Variants in RBM12 observed in about 807,000 individuals in gnomAD.
RBM12 encodes the protein RNA binding motif protein 12.
In RBM12, 24 loss-of-function variants were observed where a neutral mutation model predicts 37.2. The observed-to-expected ratio is 0.65, with a 90% CI of 0.47 to 0.91. RBM12 has a LOEUF of 0.91. Among genes scored for constraint, RBM12 ranks in the 40% least tolerant of loss-of-function variants. The pLI is 0.00. For missense variants in RBM12, 1,061 were observed against 1,183.2 expected, an observed-to-expected ratio of 0.90 and a Z score of 1.52; for synonymous variants, 420 against 425.2, an observed-to-expected ratio of 0.99 and a Z score of 0.15.
At chr20:35,661,891 G>A (rs960230780) in intron 1 of RBM12, among the ~76,000 whole-genome samples, 1 of 152,110 alleles carries the variant, frequency 6.6e-6, no homozygotes, top group African/African-American at 2.4e-5. Flanking sequence ...AGGTTCTTCA[G>A]ATCCAAAAGA....
In RBM12 at chr20:35,653,348, CGGGCAGTCCCGCATT is replaced by C. The variant is rs777593625; in HGVS notation, c.1960_1974del (p.Asn654_Pro658del). 2.5e-6 allele frequency: 4 copies of C among 1,613,792 alleles called. No individual in the cohort carries two copies. The African/African-American group carries it at 5.3e-5, about 22-fold the overall frequency. ...AGTCCTGCACTGGGCAGTCCCACACCGGGCAGTCCCGCATTGGGCATTCCTGGAACTGCAGGATTA... is the reference window on the plus strand; with the variant it reads ...AGTCCTGCACTGGGCAGTCCCACACCGGGCATTCCTGGAACTGCAGGATTA... On this transcript the variant is annotated inframe_deletion, in exon 3 of 3. Transcript: ENST00000374114.
In RBM12 at chr20:35,655,247, A is replaced by G. The variant is rs773946342; in HGVS notation, c.76T>C (p.Leu26=). 12 of 1,613,788 alleles carry G rather than the reference A, an allele frequency of 7.4e-6. No homozygotes were observed. Among genetic ancestry groups the G allele is most frequent in the Non-Finnish European group, 1.0e-5 (12 of 1,180,024 alleles). The part of the protein sequence containing the change: ...TMDIRHFFSG[L]TIPDGGVHIV... ...TGCACGCCCCCATCAGGAATGGTCAATCCAGAGAAGAAGTGGCGAATGTCC... is the reference window on the plus strand; with the variant it reads ...TGCACGCCCCCATCAGGAATGGTCAGTCCAGAGAAGAAGTGGCGAATGTCC... The change falls in exon 3 of 3, where the codon TTG becomes CTG. Residue 26 remains leucine, a synonymous_variant. Transcript: ENST00000374114.
intron 2 of RBM12, among the ~76,000 whole-genome samples, chr20:35,657,833 G>T (rs1264508576): frequency 2.0e-5 from 3 of 152,118 alleles, no homozygotes; most frequent in African/African-American, 4.8e-5. Flanking sequence ...GGATGAGGTG[G>T]GTGGATCACC....
At position 35,652,384 on chromosome 20, in the gene RBM12, C is replaced by T; in HGVS notation, c.*140G>A. The T allele has an allele frequency of 1.1e-6, 1 of 949,230 alleles. No individual in the cohort carries two copies. The highest frequency in any genetic ancestry group is 1.6e-6 in the Non-Finnish European group (1 of 640,354). The allele number at this position is 949,230 out of a possible 1,614,324, so 58.8% of individuals were successfully genotyped here. A position where few individuals can be genotyped will look rare whatever the true frequency, so the allele number is the denominator to read the frequency against. ...AGTGAGTCTTCTGTAAACAGTCAAC[C>T]AATGCTCTATGTTATGGAAACCAAG... is the stretch of plus-strand genomic sequence containing the variant. On this transcript the variant is annotated 3_prime_UTR_variant, in exon 3 of 3. Coordinates refer to ENST00000374114, the MANE Select transcript of RBM12 (RefSeq NM_006047.6).
Position 35,652,505 on chromosome 20 carries a change from T to A in RBM12, c.*19A>T. Reference sequence around the variant, plus strand: ...CACAGCAATATGAAGATCTACCCTATAAAAAATGATGTGAATGGCTACCCT... The same window carrying A: ...CACAGCAATATGAAGATCTACCCTAAAAAAAATGATGTGAATGGCTACCCT... On this transcript the variant is annotated 3_prime_UTR_variant, in exon 3 of 3. Coordinates refer to ENST00000374114, the MANE Select transcript of RBM12 (RefSeq NM_006047.6). The A allele has an allele frequency of 6.3e-7, 1 of 1,597,476 alleles. No homozygotes were observed. Among genetic ancestry groups the A allele is most frequent in the Non-Finnish European group, 8.5e-7 (1 of 1,172,946 alleles).
chr20:35,656,975 T>A (rs1412896695), intron 2 of RBM12, among the ~76,000 whole-genome samples: 1 of 152,208 alleles, frequency 6.6e-6, no homozygotes, highest in Admixed American at 6.5e-5. Flanking sequence ...AAATATTATA[T>A]AAATACTAAT....
chr20:35,659,839 C>T (rs1465717299), intron 1 of RBM12, among the ~76,000 whole-genome samples: 3 of 152,026 alleles, frequency 2.0e-5, no homozygotes, highest in African/African-American at 7.2e-5. Context: ...ATTCAAAGGT[C>T]ATTTTTTGCT....
At position 35,654,819 on chromosome 20, in the gene RBM12, G is replaced by A. The variant is rs758228146; in HGVS notation, c.504C>T (p.Ser168=). ...TTGGAACAGTTGAGCTAAACGTTGG[G>A]CTCCCAAAGGAAGCCCCCATATTTG... ...APPNMGASFG[S]PTFSSTVPST... is the part of the protein sequence containing the mutation. Residue 168 remains serine, a synonymous_variant, in exon 3 of 3, where the codon AGC becomes AGT. Transcript: ENST00000374114. The A allele has an allele frequency of 1.9e-6, 3 of 1,614,210 alleles. No homozygotes were observed. Among genetic ancestry groups the A allele is most frequent in the Non-Finnish European group, 2.5e-6 (3 of 1,180,032 alleles).
rs761665005 is a variant in RBM12 at position 35,654,405 on chromosome 20, G to C, written c.918C>G (p.Val306=). Residue 306 remains valine, a synonymous_variant, in exon 3 of 3, where the codon GTC becomes GTG. Coordinates refer to ENST00000374114, the MANE Select transcript of RBM12 (RefSeq NM_006047.6). ...PLPINPDDLY[V]SVHGMPFSAM... is the part of the protein sequence containing the mutation. ...CAGAAAAGGGCATTCCATGCACACT[G>C]ACATACAGATCATCAGGGTTGATGG... The C allele has an allele frequency of 5.0e-6, 8 of 1,614,208 alleles. No homozygotes were observed. Among genetic ancestry groups the C allele is most frequent in the Non-Finnish European group, 6.8e-6 (8 of 1,180,032 alleles).
Position 35,654,769 on chromosome 20 carries a change from ACTGTGTTCATTGGAGAGG to A in RBM12, c.536_553del (p.Ala179_Thr184del), listed in dbSNP as rs762236568. On this transcript the variant is annotated inframe_deletion, in exon 3 of 3. Transcript: ENST00000374114. ...AATTGGAGGAATTGGTGGCGGCGGGACTGTGTTCATTGGAGAGGCTGTGCTTGGAACAGTTGAGCTAAA... is the reference window on the plus strand; with the variant it reads ...AATTGGAGGAATTGGTGGCGGCGGGACTGTGCTTGGAACAGTTGAGCTAAA... 5.6e-6 allele frequency: 9 copies of A among 1,613,874 alleles called. No individual in the cohort carries two copies. In the East Asian group the frequency reaches 2.0e-4, roughly 36 times the overall value.
rs2033433884 is a variant in RBM12, at chr20:35,650,578, T to C, written c.*1946A>G. The C allele has an allele frequency of 1.3e-5, 2 of 152,626 alleles. No homozygotes were observed. The highest frequency in any genetic ancestry group is 2.9e-5 in the Non-Finnish European group (2 of 68,022). 9.5% of individuals were successfully genotyped at this position (152,626 alleles called of 1,614,324 possible). On this transcript the variant is annotated 3_prime_UTR_variant, in exon 3 of 3. Coordinates refer to ENST00000374114, the MANE Select transcript of RBM12 (RefSeq NM_006047.6). ...GCATATACAAACGTTATATTGCTTT[T>C]GAAATTGAGGAGGCAGTATCTAGTG...
In RBM12 at chr20:35,651,563, C is replaced by T. The variant is rs2033522155; in HGVS notation, c.*961G>A. 6.6e-6 allele frequency: 1 copy of T among 152,100 alleles called. No homozygotes were observed. The allele number at this position is 152,100 out of a possible 1,614,324, so 9.4% of individuals were successfully genotyped here. On this transcript the variant is annotated 3_prime_UTR_variant, in exon 3 of 3. Transcript: ENST00000374114. ...ATATAACACTTTCTTATGAATGGGC[C>T]CCTCTTTGTTTAAAGGCCAAAATTT...
intron 1 of RBM12, among the ~76,000 whole-genome samples, chr20:35,662,189 A>T (rs2146383672): frequency 6.6e-6 from 1 of 152,306 alleles, no homozygotes. Context: ...ATCAGAAGAC[A>T]TTTCTAAATA....
rs571177026 is a variant in RBM12 at position 35,658,843 on chromosome 20, T to G, written c.-23+87A>C. 7 of 670,806 alleles carry G rather than the reference T, an allele frequency of 1.0e-5. No homozygotes were observed. The African/African-American group carries it at 1.1e-4, about 11-fold the overall frequency. 41.6% of individuals were successfully genotyped at this position (670,806 alleles called of 1,614,324 possible). The stretch of plus-strand genomic sequence containing the variant: ...CACACACACACACACACACACAATA[T>G]AGTTGCTACATATATTTTCATATTT... On this transcript the variant is annotated intron_variant, in intron 2 of 2. Coordinates refer to ENST00000374114, the MANE Select transcript of RBM12 (RefSeq NM_006047.6).
chr20:35,656,886 G>A (rs970591969), intron 2 of RBM12, among the ~76,000 whole-genome samples: 1 of 147,578 alleles, frequency 6.8e-6, no homozygotes, highest in Non-Finnish European at 1.5e-5. Flanking sequence ...GAAGAGATTT[G>A]GTTTTATCAC....
In RBM12 at chr20:35,653,163, T is replaced by C. The variant is rs2033653206; in HGVS notation, c.2160A>G (p.Pro720=). 5.6e-6 allele frequency: 9 copies of C among 1,613,558 alleles called. No homozygotes were observed. The South Asian group carries it at 6.6e-5, about 12-fold the overall frequency. ...CACCAAAATTACCAGGAAAGTTAAA[T>C]GGAGGCCCATTATTGGCTTCCTTTG... is the stretch of plus-strand genomic sequence containing the variant. ...VGSKEANNGP[P]FNFPGNFGGS... Residue 720 remains proline (P), a synonymous_variant, in exon 3 of 3, where the codon CCA becomes CCG. Coordinates refer to ENST00000374114, the MANE Select transcript of RBM12 (RefSeq NM_006047.6).
At chr20:35,662,466 A>G (rs1252050366) in intron 1 of RBM12, among the ~76,000 whole-genome samples, 1 of 152,224 alleles carries the variant, frequency 6.6e-6, no homozygotes, top group African/African-American at 2.4e-5. Context: ...AACATTTAAC[A>G]ATATTCCTTT....
chr20:35,656,661 A>C (rs2033916262), intron 2 of RBM12, among the ~76,000 whole-genome samples: 1 of 152,116 alleles, frequency 6.6e-6, no homozygotes, highest in African/African-American at 2.4e-5. Flanking sequence ...CAGCCTCCCA[A>C]GTAGCTGGGA....
At chr20:35,659,560 A>G (rs2034115408) in intron 1 of RBM12, among the ~76,000 whole-genome samples, 1 of 152,240 alleles carries the variant, frequency 6.6e-6, no homozygotes, top group African/African-American at 2.4e-5. Context: ...AGTTCTTGCT[A>G]TAAGGACTAA....
Sources: gnomAD v4.1 joint callset for allele counts (sites outside exome capture counted in the v4.1 genomes callset) on GRCh38, gnomAD v4.1.1 for gene constraint, MANE v1.5 for transcripts, NCBI Gene and HGNC (gene_info 2026-07-23, HGNC 2026-07-21) for gene names.